ZBTB45: variants seen among roughly 807,000 people sequenced by gnomAD.
ZBTB45 encodes the protein zinc finger and BTB domain-containing protein 45.
Under a neutral mutation model 28.4 loss-of-function variants are expected in ZBTB45, and 22 were observed. That is an observed-to-expected ratio of 0.77 (90% CI 0.55 to 1.10). The LOEUF (loss-of-function observed/expected upper bound fraction) is 1.10, where lower values mean the gene tolerates loss of function less well. ZBTB45 is among the 50% of genes least tolerant of loss of function. The pLI is 0.00. For missense variants in ZBTB45, 656 were observed against 750.2 expected, an observed-to-expected ratio of 0.87 and a Z score of 1.47; for synonymous variants, 361 against 332.3, an observed-to-expected ratio of 1.09 and a Z score of -0.94.
Position 58,514,316 on chromosome 19 carries a change from G to A in ZBTB45, c.1280-6C>T. ...GCACTGGTGCGGCTTCTCCCCTGCG[G>A]AAGACAGGGCGGGCCGCGAACGCAA... On this transcript the variant is annotated splice_polypyrimidine_tract_variant and splice_region_variant and intron_variant, in intron 2 of 2. Transcript: ENST00000594051. 6.3e-7 allele frequency: 1 copy of A among 1,597,066 alleles called. No homozygotes were observed. Among genetic ancestry groups the A allele is most frequent in the South Asian group, 1.1e-5 (1 of 90,528 alleles).
intron 1 of ZBTB45, among the ~76,000 whole-genome samples, chr19:58,529,749 C>T (rs1336584872): frequency 6.6e-6 from 1 of 152,138 alleles, no homozygotes; most frequent in Non-Finnish European, 1.5e-5. Context: ...CTAATGCTAT[C>T]CCTCCCCTAG....
intron 1 of ZBTB45, among the ~76,000 whole-genome samples, chr19:58,532,449 A>C (rs1391608776): frequency 6.6e-6 from 1 of 152,194 alleles, no homozygotes; most frequent in Non-Finnish European, 1.5e-5. Flanking sequence ...TTTGGAAGGG[A>C]AAGTTTAAAA....
Position 58,517,585 on chromosome 19 carries a change from C to A in ZBTB45, c.89G>T (p.Gly30Val), listed in dbSNP as rs771267248. Residue 30 changes from glycine to valine, a missense_variant, in exon 2 of 3, where the codon GGA becomes GTA. Physicochemically the swap from Gly to Val is moderately radical, Grantham distance 109 (BLOSUM62 -3). Transcript: ENST00000594051. Reference protein sequence around the residue: ...LETLNGQRLGGHFCDVTVRIR... With the variant: ...LETLNGQRLGVHFCDVTVRIR... ...GCGCACAGTCACGTCACAGAAGTGT[C>A]CCCCAAGCCTCTGCCCATTGAGGGT... The A allele has an allele frequency of 1.2e-6, 2 of 1,613,860 alleles. No individual in the cohort carries two copies. Among genetic ancestry groups the A allele is most frequent in the East Asian group, 2.2e-5 (1 of 44,878 alleles).
At chr19:58,530,348 C>G (rs1038611600) in intron 1 of ZBTB45, among the ~76,000 whole-genome samples, 2 of 152,160 alleles carry the variant, frequency 1.3e-5, no homozygotes, top group East Asian at 3.9e-4. Flanking sequence ...TTGCTCGTTG[C>G]TCAGGCTGGA....
intron 1 of ZBTB45, among the ~76,000 whole-genome samples, chr19:58,533,799 G>C (rs2053646503): frequency 6.6e-6 from 1 of 152,158 alleles, no homozygotes; most frequent in Non-Finnish European, 1.5e-5. Flanking sequence ...CCAGCCAAAA[G>C]CCACATACGG....
At chr19:58,526,997 A>G (rs2122587434) in intron 1 of ZBTB45, among the ~76,000 whole-genome samples, 1 of 152,210 alleles carries the variant, frequency 6.6e-6, no homozygotes, top group South Asian at 2.1e-4. Context: ...CTGGCCACAA[A>G]ATGTGTTTTG....
At chr19:58,536,579 G>T (rs570408095) in intron 1 of ZBTB45, among the ~76,000 whole-genome samples, 1 of 149,960 alleles carries the variant, frequency 6.7e-6, no homozygotes, top group South Asian at 2.1e-4. Flanking sequence ...GGAGGCAGAG[G>T]TTGTAGTGAG....
intron 1 of ZBTB45, among the ~76,000 whole-genome samples, chr19:58,529,712 A>G (rs1916281739): frequency 6.6e-6 from 1 of 152,112 alleles, no homozygotes; most frequent in Admixed American, 6.6e-5. Flanking sequence ...GCACCCATCA[A>G]CCCGTCATCT....
intron 1 of ZBTB45, among the ~76,000 whole-genome samples, chr19:58,536,877 C>T (rs986606978): frequency 2.0e-5 from 3 of 152,136 alleles, no homozygotes; most frequent in African/African-American, 7.2e-5. Flanking sequence ...CTACACCTGT[C>T]TTATGCCCTG....
chr19:58,538,278 C>T (rs982463817), intron 1 of ZBTB45, among the ~76,000 whole-genome samples: 224 of 151,744 alleles, frequency 1.5e-3, no homozygotes, highest in African/African-American at 5.2e-3. Flanking sequence ...AGCAGGGGAG[C>T]GATCATAGCT....
chr19:58,516,529 G>A lies in ZBTB45; in HGVS notation c.1145C>T (p.Ala382Val). Residue 382 changes from alanine to valine, a missense_variant, in exon 2 of 3, where the codon GCT (alanine) becomes GTT (valine). Physicochemically the swap from Ala to Val is moderately conservative, Grantham distance 64. Coordinates refer to ENST00000594051, the MANE Select transcript of ZBTB45 (RefSeq NM_001316979.2). This position sits in a 1 kb window ranked among gnomAD's most constrained non-coding sequence, Gnocchi z 6.2. ...GCCTGAGGGGGCCGTGGTGGGAGCAGCAGAGGGAGCCGGGACCTCCCCCAG... is the reference window on the plus strand; with the variant it reads ...GCCTGAGGGGGCCGTGGTGGGAGCAACAGAGGGAGCCGGGACCTCCCCCAG... ...TQLGEVPAPSAAPTTAPSGTP... is the reference protein window; with the variant it reads ...TQLGEVPAPSVAPTTAPSGTP... 1 of 1,611,916 alleles carries A rather than the reference G, an allele frequency of 6.2e-7. No individual in the cohort carries two copies. Among genetic ancestry groups the A allele is most frequent in the South Asian group, 1.1e-5 (1 of 90,926 alleles).
Position 58,516,534 on chromosome 19 carries a change from G to A in ZBTB45, c.1140C>T (p.Pro380=). 5 of 1,611,140 alleles carry A rather than the reference G, an allele frequency of 3.1e-6. No individual in the cohort carries two copies. The highest frequency in any genetic ancestry group is 2.2e-5 in the East Asian group (1 of 44,840). The change falls in exon 2 of 3, where the codon CCC becomes CCT. Residue 380 remains proline (P), a synonymous_variant. Coordinates refer to ENST00000594051, the MANE Select transcript of ZBTB45 (RefSeq NM_001316979.2). This position sits in a 1 kb window ranked among gnomAD's most constrained non-coding sequence, Gnocchi z 6.2. The part of the protein sequence containing the change: ...PSTQLGEVPA[P]SAAPTTAPSG... Reference sequence around the variant, plus strand: ...AGGGGGCCGTGGTGGGAGCAGCAGAGGGAGCCGGGACCTCCCCCAGCTGAG... The same window carrying A: ...AGGGGGCCGTGGTGGGAGCAGCAGAAGGAGCCGGGACCTCCCCCAGCTGAG...
chr19:58,536,142 C>G (rs1227756684), intron 1 of ZBTB45, among the ~76,000 whole-genome samples: 3 of 151,520 alleles, frequency 2.0e-5, no homozygotes, highest in South Asian at 4.2e-4. Context: ...CAGTGCCTGG[C>G]CAACATGGTA....
intron 1 of ZBTB45, among the ~76,000 whole-genome samples, chr19:58,528,348 C>T (rs548661003): frequency 3.1e-4 from 47 of 152,034 alleles, no homozygotes; most frequent in East Asian, 5.8e-4. Context: ...GGTGCGCTCT[C>T]GGGGTTCAAA....
At chr19:58,527,786 G>C (rs897552649) in intron 1 of ZBTB45, among the ~76,000 whole-genome samples, 2 of 152,052 alleles carry the variant, frequency 1.3e-5, no homozygotes, top group African/African-American at 4.8e-5. Context: ...CTCTTTACAA[G>C]GGCTGCTCTC....
At chr19:58,526,573 C>G (rs1428468856) in intron 1 of ZBTB45, among the ~76,000 whole-genome samples, 1 of 135,868 alleles carries the variant, frequency 7.4e-6, no homozygotes, top group Non-Finnish European at 1.6e-5. Context: ...GCTCTGTCGC[C>G]CAGGCTGGAG....
At chr19:58,520,412 G>A (rs890307565), upstream of ZBTB45, among the ~76,000 whole-genome samples, 9 of 152,004 alleles carry the variant, frequency 5.9e-5, no homozygotes, top group African/African-American at 9.7e-5. Context: ...CTGGTATGGG[G>A]GACAGAATTC....
rs1390384418 is a variant in ZBTB45, at chr19:58,516,513, G to A, written c.1161C>T (p.Ala387=). The part of the protein sequence containing the change: ...VPAPSAAPTT[A]PSGTPARTPG... The stretch of plus-strand genomic sequence containing the variant: ...GGGTGCGAGCAGGGGTGCCTGAGGG[G>A]GCCGTGGTGGGAGCAGCAGAGGGAG... Residue 387 remains alanine, a synonymous_variant, in exon 2 of 3, where the codon GCC becomes GCT. Transcript: ENST00000594051. The surrounding 1 kb of genome is among the most constrained non-coding windows in gnomAD (Gnocchi z 6.2). 1 of 1,613,352 alleles carries A rather than the reference G, an allele frequency of 6.2e-7. No individual in the cohort carries two copies. The highest frequency in any genetic ancestry group is 2.2e-5 in the East Asian group (1 of 44,872).
At chr19:58,527,502 G>A (rs1369209328) in intron 1 of ZBTB45, among the ~76,000 whole-genome samples, 2 of 152,144 alleles carry the variant, frequency 1.3e-5, no homozygotes, top group Non-Finnish European at 2.9e-5. Context: ...CACACAACAT[G>A]AAGTCTTGGT....
Sources: allele counts gnomAD v4.1 joint callset (sites outside exome capture counted in the v4.1 genomes callset), GRCh38; gene constraint gnomAD v4.1.1; non-coding constraint Gnocchi (gnomAD v3.1); transcripts MANE v1.5; gene names NCBI Gene and HGNC (gene_info 2026-07-23, HGNC 2026-07-21).